DOCK10: variants seen among roughly 807,000 people sequenced by gnomAD.
DOCK10 encodes dedicator of cytokinesis 10, also known as dedicator of cytokinesis protein 10.
DOCK10 carries 145 observed loss-of-function variants against 280.1 expected under a neutral mutation model. That is an observed-to-expected ratio of 0.52 (90% CI 0.45 to 0.59). The LOEUF (loss-of-function observed/expected upper bound fraction) is 0.59, where lower values mean the gene tolerates loss of function less well. DOCK10 is among the 20% of genes least tolerant of loss of function. DOCK10 has a pLI of 0.00. For missense variants in DOCK10, 2,368 were observed against 2,651.7 expected, an observed-to-expected ratio of 0.89 and a Z score of 2.35; for synonymous variants, 915 against 942.2, an observed-to-expected ratio of 0.97 and a Z score of 0.53.
chr2:224,818,384 G>A (rs1694281656), intron 29 of DOCK10, among the ~76,000 whole-genome samples: 1 of 150,734 alleles, frequency 6.6e-6, no homozygotes, highest in South Asian at 2.1e-4. Context: ...TGCTTGAAAA[G>A]GCCTGGCCCC....
At chr2:224,855,146 C>A (rs1697038367) in intron 15 of DOCK10, 104 bp from the exon 16 acceptor site, 1 of 694,136 alleles carries the variant, frequency 1.4e-6, no homozygotes, top group Admixed American at 3.2e-5. Flanking sequence ...ATCTATAATT[C>A]TGAGCTTTGT....
At chr2:224,950,039 A>T (rs1703640470) in intron 1 of DOCK10, among the ~76,000 whole-genome samples, 1 of 152,226 alleles carries the variant, frequency 6.6e-6, no homozygotes, top group African/African-American at 2.4e-5. Flanking sequence ...TGCCAAGATA[A>T]GGAAAAGTTT....
chr2:224,959,413 C>CA (rs1268503837), intron 1 of DOCK10, among the ~76,000 whole-genome samples: 1 of 149,618 alleles, frequency 6.7e-6, no homozygotes, highest in Non-Finnish European at 1.5e-5. Context: ...AACCGGACCC[C>CA]AAAAAATAAG....
At chr2:225,011,771 T>A (rs1035599958) in intron 1 of DOCK10, among the ~76,000 whole-genome samples, 1 of 152,092 alleles carries the variant, frequency 6.6e-6, no homozygotes, top group Non-Finnish European at 1.5e-5. Flanking sequence ...CCACAGGCAT[T>A]ATAAAATGGC....
At chr2:224,809,544 C>G (rs115106778) in intron 31 of DOCK10, among the ~76,000 whole-genome samples, 2 of 152,024 alleles carry the variant, frequency 1.3e-5, no homozygotes, top group African/African-American at 4.8e-5. Flanking sequence ...TAAAAATGGG[C>G]AAAGGATCTG....
chr2:224,945,017 G>T (rs1343389653), intron 1 of DOCK10, among the ~76,000 whole-genome samples: 3 of 152,174 alleles, frequency 2.0e-5, no homozygotes, highest in Non-Finnish European at 4.4e-5. Context: ...AGAGTGATTA[G>T]CTTCATTATA....
chr2:224,797,067 C>T lies in DOCK10; in HGVS notation c.4724G>A (p.Arg1575Lys). 1 of 1,613,672 alleles carries T rather than the reference C, an allele frequency of 6.2e-7. No homozygotes were observed. Among genetic ancestry groups the T allele is most frequent in the Non-Finnish European group, 8.5e-7 (1 of 1,179,730 alleles). Residue 1575 changes from arginine to lysine, a missense_variant, in exon 43 of 56, where the codon AGG becomes AAG. Physicochemically the swap from Arg to Lys is conservative, Grantham distance 26. This residue lies in a region of DOCK10 where 1,159 missense variants were observed against 1,400.8 expected (regional missense o/e 0.83). Transcript: ENST00000258390. The part of the protein sequence containing the change: ...CYEVLKCCNH[R>K]SRSTQTEASA... ...GGCTTCTGTCTGAGTTGACCGTGAC[C>T]TGTGGTTACAGCATTTTAGGACTTC...
intron 4 of DOCK10, among the ~76,000 whole-genome samples, chr2:224,886,893 C>CCCCCCCCA (rs550630549): frequency 7.4e-5 from 11 of 149,394 alleles, no homozygotes; most frequent in South Asian, 2.1e-4. Flanking sequence ...CCAACACCCC[C>CCCCCCCCA]CCAAGTAGTA....
Position 225,042,046 on chromosome 2 carries a change from C to T in DOCK10, c.123+206G>A, listed in dbSNP as rs551342746. Among the ~76,000 whole-genome samples the T allele has an allele frequency of 2.0e-4, 30 of 152,350 alleles. No homozygotes were observed. The highest frequency in any genetic ancestry group is 6.3e-4 in the African/African-American group (26 of 41,592). On this transcript the variant is annotated intron_variant, in intron 1 of 55. Coordinates refer to ENST00000258390, the MANE Select transcript of DOCK10 (RefSeq NM_014689.3). The surrounding 1 kb of genome is among the most constrained non-coding windows in gnomAD (Gnocchi z 5.1). ...CCTCTGAGCGTCCCGCGTGCACAAA[C>T]GCGCCCCCGGTCCTTACGCGTCGGT...
At chr2:224,962,603 G>A (rs1704512434) in intron 1 of DOCK10, among the ~76,000 whole-genome samples, 1 of 152,134 alleles carries the variant, frequency 6.6e-6, no homozygotes, top group South Asian at 2.1e-4. Flanking sequence ...CATTCCGCTT[G>A]TACTGTTTTA....
In DOCK10 at chr2:224,856,871, T is replaced by C. The variant is rs1697183784; in HGVS notation, c.1797A>G (p.Ser599=). ...TAAAAAAAACATACCTTCTATAATC[T>C]GATACTAGTTTAACTAGGTCCTCAG... ...ISTEDLVKLV[S]DYRRADRISK... The change falls in exon 15 of 56, where the codon TCA becomes TCG. Residue 599 remains serine, a synonymous_variant. Coordinates refer to ENST00000258390, the MANE Select transcript of DOCK10 (RefSeq NM_014689.3). 3 of 1,608,636 alleles carry C rather than the reference T, an allele frequency of 1.9e-6. No homozygotes were observed. Among genetic ancestry groups the C allele is most frequent in the African/African-American group, 1.3e-5 (1 of 74,868 alleles).
chr2:224,818,790 A>G (rs1379577920), intron 29 of DOCK10, among the ~76,000 whole-genome samples: 1 of 152,166 alleles, frequency 6.6e-6, no homozygotes, highest in Non-Finnish European at 1.5e-5. Flanking sequence ...TTTTGCTCAA[A>G]TTGGAGTCAG....
chr2:224,969,474 A>T (rs910039103), intron 1 of DOCK10, among the ~76,000 whole-genome samples: 2 of 152,108 alleles, frequency 1.3e-5, no homozygotes, highest in African/African-American at 4.8e-5. Flanking sequence ...TTGTGATGAG[A>T]CTTTTTATTC....
intron 1 of DOCK10, among the ~76,000 whole-genome samples, chr2:224,944,788 T>C (rs557995614): frequency 2.6e-5 from 4 of 152,282 alleles, no homozygotes; most frequent in African/African-American, 9.6e-5. Flanking sequence ...CCTGTGAAAG[T>C]AGATATGCCT....
At chr2:224,866,848 T>C (rs1447149736) in intron 11 of DOCK10, among the ~76,000 whole-genome samples, 1 of 152,168 alleles carries the variant, frequency 6.6e-6, no homozygotes, top group African/African-American at 2.4e-5. Context: ...TCAAGGTAAC[T>C]TCTGGGTATA....
chr2:224,851,025 G>A (rs1425500677), intron 18 of DOCK10, among the ~76,000 whole-genome samples: 2 of 152,128 alleles, frequency 1.3e-5, no homozygotes, highest in African/African-American at 4.8e-5. Flanking sequence ...CACAAGGCTT[G>A]GATGGACCCC....
intron 31 of DOCK10, among the ~76,000 whole-genome samples, chr2:224,814,090 A>G (rs1369402029): frequency 6.6e-6 from 1 of 152,228 alleles, no homozygotes; most frequent in Non-Finnish European, 1.5e-5. Context: ...GCTTTGGGAA[A>G]TTAAAAAATA....
intron 1 of DOCK10, chr2:224,982,146 T>C (rs941812398): frequency 5.8e-6 from 7 of 1,197,838 alleles, no homozygotes; most frequent in African/African-American, 3.1e-5. Flanking sequence ...AACCCCTAAA[T>C]TGTAACCTCT....
At chr2:224,822,331 C>A (rs201196714) in intron 28 of DOCK10, among the ~76,000 whole-genome samples, 2 of 152,094 alleles carry the variant, frequency 1.3e-5, no homozygotes, top group East Asian at 3.9e-4. Flanking sequence ...TGGTTGTAAC[C>A]CAATGAAATA....
Sources: allele counts gnomAD v4.1 joint callset (sites outside exome capture counted in the v4.1 genomes callset), GRCh38; gene constraint gnomAD v4.1.1; regional missense constraint gnomAD v4.1.1; non-coding constraint Gnocchi (gnomAD v3.1); transcripts MANE v1.5; gene names NCBI Gene and HGNC (gene_info 2026-07-23, HGNC 2026-07-21).